ESR2: variants seen among roughly 807,000 people sequenced by gnomAD.
ESR2 encodes the protein estrogen receptor 2, also known as estrogen receptor beta.
A neutral mutation model predicts 49.6 loss-of-function variants in ESR2; 36 were observed. The ratio of observed to expected loss-of-function variants is 0.73; its 90% CI spans 0.56 to 0.96. The LOEUF (loss-of-function observed/expected upper bound fraction) is 0.96, where lower values mean the gene tolerates loss of function less well. Among genes scored for constraint, ESR2 ranks in the 40% least tolerant of loss-of-function variants. The pLI, the probability that ESR2 is intolerant of heterozygous loss-of-function variation, is 0.00. For synonymous variants in ESR2, 320 were observed against 266.1 expected (o/e 1.20, Z -1.97); for missense variants, 714 against 693.0 (o/e 1.03, Z -0.34).
intron 7 of ESR2, among the ~76,000 whole-genome samples, chr14:64,243,866 G>A (rs1328206394): frequency 6.6e-6 from 1 of 152,190 alleles, no homozygotes; most frequent in African/African-American, 2.4e-5. Flanking sequence ...AAGACTTGAA[G>A]AGGACTCTCC....
chr14:64,247,677 C>T (rs1381703953), intron 7 of ESR2, among the ~76,000 whole-genome samples: 1 of 152,130 alleles, frequency 6.6e-6, no homozygotes, highest in Non-Finnish European at 1.5e-5. Context: ...CCTAAAGGCT[C>T]GACAAGAGTA....
In ESR2 at chr14:64,229,105, G is replaced by C. The variant is rs2098724921; in HGVS notation, c.*4032C>G. Among the ~76,000 whole-genome samples the C allele has an allele frequency of 6.6e-6, 1 of 152,118 alleles. No individual in the cohort carries two copies. Among genetic ancestry groups the C allele is most frequent in the African/African-American group, 2.4e-5 (1 of 41,420 alleles). Reference sequence around the variant, plus strand: ...AGTACCCACTAGAGCTCATGAACCTGAGATGGGACAATGGGAATAACAGAT... The same window carrying C: ...AGTACCCACTAGAGCTCATGAACCTCAGATGGGACAATGGGAATAACAGAT... On this transcript the variant is annotated 3_prime_UTR_variant, in exon 9 of 9. Transcript: ENST00000341099.
chr14:64,267,464 T>G (rs1024029054), intron 4 of ESR2, among the ~76,000 whole-genome samples: 4 of 152,106 alleles, frequency 2.6e-5, no homozygotes, highest in Admixed American at 1.3e-4. Context: ...CAGAGAAGCA[T>G]GATCAGATGA....
At chr14:64,253,546 T>C (rs4365213) in intron 6 of ESR2, among the ~76,000 whole-genome samples, 60,871 of 148,068 alleles carry the variant, frequency 0.41, 12,637 homozygotes, top group Non-Finnish European at 0.44. Context: ...GGGCCTCCCT[T>C]AGGGGTACAC....
chr14:64,329,159 T>C (rs549063966), intron 1 of ESR2, among the ~76,000 whole-genome samples: 12 of 152,186 alleles, frequency 7.9e-5, no homozygotes, highest in African/African-American at 2.6e-4. Context: ...ACTGTGTGTG[T>C]AGATCACATG....
chr14:64,227,589 T>C (rs1398158212), downstream of ESR2: 1 of 1,614,126 alleles, frequency 6.2e-7, no homozygotes, highest in Non-Finnish European at 8.5e-7. Flanking sequence ...CCAAATGAGG[T>C]GAGTGTTTGA....
At chr14:64,301,762 T>C (rs34996860) in intron 1 of ESR2, among the ~76,000 whole-genome samples, 164 of 152,250 alleles carry the variant, frequency 1.1e-3, no homozygotes, top group African/African-American at 3.8e-3. Flanking sequence ...CTCTGTAAAA[T>C]GGGAATAGCA....
chr14:64,236,410 C>T (rs1407264996), intron 7 of ESR2, among the ~76,000 whole-genome samples: 2 of 152,098 alleles, frequency 1.3e-5, no homozygotes, highest in Non-Finnish European at 2.9e-5. Context: ...CCTCCCACCG[C>T]AGGGGAAACA....
intron 1 of ESR2, among the ~76,000 whole-genome samples, chr14:64,321,515 C>T (rs1161083478): frequency 6.6e-6 from 1 of 152,018 alleles, no homozygotes; most frequent in Non-Finnish European, 1.5e-5. Flanking sequence ...GTGAGGCTAC[C>T]TATGGGCATA....
At chr14:64,234,018 T>C (rs1359443359) in intron 8 of ESR2, 1 of 152,248 alleles carries the variant, frequency 6.6e-6, no homozygotes, top group Non-Finnish European at 1.5e-5. Flanking sequence ...CAGCTGGGAC[T>C]GTACATAAAG....
upstream of ESR2, among the ~76,000 whole-genome samples, chr14:64,296,606 T>C (rs2076960860): frequency 6.6e-6 from 1 of 152,158 alleles, no homozygotes; most frequent in African/African-American, 2.4e-5. Flanking sequence ...ATGCCTCCAA[T>C]CAATCAGAAT....
chr14:64,260,881 A>T (rs1046870710), intron 4 of ESR2, 133 bp from the exon 5 acceptor site: 8 of 723,064 alleles, frequency 1.1e-5, no homozygotes, highest in Non-Finnish European at 1.6e-5. Context: ...TACTAGCAAA[A>T]CCAACGACAT....
In ESR2 at chr14:64,229,739, C is replaced by T. The variant is rs1454955189; in HGVS notation, c.*3398G>A. The stretch of plus-strand genomic sequence containing the variant: ...GCTTAGACCGTGTCTAGTTCCACAA[C>T]CAGAAAATAAGGAAATAGCAGTTAT... On this transcript the variant is annotated 3_prime_UTR_variant, in exon 9 of 9. Coordinates refer to ENST00000341099, the MANE Select transcript of ESR2 (RefSeq NM_001437.3). Among the ~76,000 whole-genome samples, 1 of 152,092 alleles carries T rather than the reference C, an allele frequency of 6.6e-6. No homozygotes were observed. Among genetic ancestry groups the T allele is most frequent in the African/African-American group, 2.4e-5 (1 of 41,400 alleles).
chr14:64,273,938 G>T (rs969429198), intron 3 of ESR2, among the ~76,000 whole-genome samples: 1 of 118,980 alleles, frequency 8.4e-6, no homozygotes, highest in African/African-American at 3.8e-5. Context: ...TTTGCTGAGA[G>T]ACTTTTTTTT....
At chr14:64,333,991 A>C (rs899625985) in intron 1 of ESR2, among the ~76,000 whole-genome samples, 2 of 152,186 alleles carry the variant, frequency 1.3e-5, no homozygotes, top group African/African-American at 4.8e-5. Flanking sequence ...TGTGTGTTCC[A>C]GTGTTCAATA....
intron 1 of ESR2, among the ~76,000 whole-genome samples, chr14:64,315,243 CA>C (rs201805001): frequency 0.027 from 1,270 of 46,722 alleles, 6 homozygotes; most frequent in Admixed American, 0.072. Flanking sequence ...GAGTCTGTCT[CA>C]AAAAAAAAAA....
chr14:64,271,817 A>G (rs2076452408), intron 3 of ESR2, among the ~76,000 whole-genome samples: 1 of 152,234 alleles, frequency 6.6e-6, no homozygotes, highest in Non-Finnish European at 1.5e-5. Flanking sequence ...ATGGACACTT[A>G]GGTTGCTTCC....
At chr14:64,291,496 G>A (rs1046267145) in intron 1 of ESR2, among the ~76,000 whole-genome samples, 5 of 151,980 alleles carry the variant, frequency 3.3e-5, no homozygotes, top group African/African-American at 1.2e-4. Flanking sequence ...TAAAATACAG[G>A]CTGTTTTTCA....
intron 8 of ESR2, chr14:64,234,410 GCA>G (rs1446031352): frequency 6.5e-6 from 1 of 154,978 alleles, no homozygotes; most frequent in African/African-American, 2.4e-5. Context: ...CTCTTCATCA[GCA>G]CACACAATTA....
Sources: gnomAD v4.1 joint callset for allele counts (sites outside exome capture counted in the v4.1 genomes callset) on GRCh38, gnomAD v4.1.1 for gene constraint, MANE v1.5 for transcripts, NCBI Gene and HGNC (gene_info 2026-07-23, HGNC 2026-07-21) for gene names.